BMAL2: variants seen among roughly 807,000 people sequenced by gnomAD.
BMAL2 encodes the protein basic helix-loop-helix ARNT-like protein 2.
chr12:27,397,841 G>A, the BMAL2 span, among the ~76,000 whole-genome samples: 1 of 152,178 alleles, frequency 6.6e-6, no homozygotes, highest in South Asian at 2.1e-4. Flanking sequence ...TGTGCATGAG[G>A]AAGAAGTGCA....
the BMAL2 span, chr12:27,385,337 G>T: frequency 7.2e-6 from 4 of 554,812 alleles, no homozygotes; most frequent in East Asian, 8.9e-5. Flanking sequence ...TAAATTAAAT[G>T]AAAATGAAAA....
the BMAL2 span, among the ~76,000 whole-genome samples, chr12:27,406,212 G>C: frequency 1.3e-5 from 2 of 152,132 alleles, no homozygotes; most frequent in African/African-American, 4.8e-5. Flanking sequence ...AGCAAGGCAG[G>C]CCAACATTCA....
chr12:27,415,070 G>A, the BMAL2 span, among the ~76,000 whole-genome samples: 1 of 152,294 alleles, frequency 6.6e-6, no homozygotes, highest in East Asian at 1.9e-4. Context: ...CTAGAGGCAG[G>A]GAGGGCATGG....
the BMAL2 span, among the ~76,000 whole-genome samples, chr12:27,399,539 A>T: frequency 6.6e-6 from 1 of 152,216 alleles, no homozygotes; most frequent in Non-Finnish European, 1.5e-5. Flanking sequence ...AAGCACTTTA[A>T]ACAGACTGTG....
the BMAL2 span, among the ~76,000 whole-genome samples, chr12:27,355,059 T>A: frequency 6.6e-6 from 1 of 152,230 alleles, no homozygotes; most frequent in Non-Finnish European, 1.5e-5. Context: ...CACTAGGAAG[T>A]GAGGTTGACC....
chr12:27,368,432 T>C, the BMAL2 span: 1 of 1,611,752 alleles, frequency 6.2e-7, no homozygotes, highest in Non-Finnish European at 8.5e-7. Flanking sequence ...TTTGGTCCTC[T>C]AACCCAGTGA....
chr12:27,351,412 G>T, the BMAL2 span, among the ~76,000 whole-genome samples: 1 of 151,986 alleles, frequency 6.6e-6, no homozygotes, highest in African/African-American at 2.4e-5. Context: ...TGATATCTGG[G>T]GCTTGCTGAC....
chr12:27,345,753 T>C, the BMAL2 span, among the ~76,000 whole-genome samples: 1 of 152,186 alleles, frequency 6.6e-6, no homozygotes, highest in African/African-American at 2.4e-5. Context: ...TCTGCCCATC[T>C]GGGCTTTCCA....
At chr12:27,374,365 T>C in the BMAL2 span, among the ~76,000 whole-genome samples, 1 of 152,204 alleles carries the variant, frequency 6.6e-6, no homozygotes, top group Admixed American at 6.5e-5. Flanking sequence ...TTACATAGCA[T>C]TTACATTTAT....
the BMAL2 span, chr12:27,416,034 G>A: frequency 2.1e-6 from 2 of 933,248 alleles, no homozygotes; most frequent in Non-Finnish European, 3.2e-6. Context: ...AAGAAAAGAA[G>A]CCATTCTGTC....
the BMAL2 span, among the ~76,000 whole-genome samples, chr12:27,412,696 AAC>A: frequency 5.7e-4 from 85 of 149,844 alleles, 1 homozygote; most frequent in Middle Eastern, 3.4e-3. Flanking sequence ...TTAAAAACAA[AAC>A]ACACACACAC....
At chr12:27,419,713 C>A in the BMAL2 span, among the ~76,000 whole-genome samples, 3 of 152,292 alleles carry the variant, frequency 2.0e-5, no homozygotes, top group South Asian at 6.2e-4. Flanking sequence ...CCACTTTAAA[C>A]ACACATAGAG....
chr12:27,360,748 C>A, the BMAL2 span, among the ~76,000 whole-genome samples: 1 of 116,086 alleles, frequency 8.6e-6, no homozygotes, highest in Admixed American at 1.2e-4. Context: ...ATGTGGTTTG[C>A]GGGAAATTTC....
At chr12:27,423,907 G>A in the BMAL2 span, 1 of 152,136 alleles carries the variant, frequency 6.6e-6, no homozygotes, top group South Asian at 2.1e-4. Flanking sequence ...AGCCACATGT[G>A]GCTACTGAGC....
At chr12:27,361,614 T>A in the BMAL2 span, among the ~76,000 whole-genome samples, 1 of 152,206 alleles carries the variant, frequency 6.6e-6, no homozygotes. Context: ...TCTGCAGATG[T>A]ATATGTGGAG....
chr12:27,373,536 A>T, the BMAL2 span, among the ~76,000 whole-genome samples: 3 of 152,076 alleles, frequency 2.0e-5, no homozygotes, highest in Admixed American at 2.0e-4. Context: ...GAGTGGGGAG[A>T]CTGGGGGCTG....
chr12:27,346,770 G>T, the BMAL2 span, among the ~76,000 whole-genome samples: 1 of 152,128 alleles, frequency 6.6e-6, no homozygotes, highest in Non-Finnish European at 1.5e-5. Flanking sequence ...AGATGGTTCG[G>T]ATGTTTGCCC....
At chr12:27,374,393 C>G in the BMAL2 span, among the ~76,000 whole-genome samples, 1 of 152,056 alleles carries the variant, frequency 6.6e-6, no homozygotes, top group Non-Finnish European at 1.5e-5. Context: ...TGTAAGTAAT[C>G]TAGAGATGAT....
the BMAL2 span, among the ~76,000 whole-genome samples, chr12:27,405,843 G>GA: frequency 1.6e-4 from 24 of 151,210 alleles, no homozygotes; most frequent in African/African-American, 5.3e-4. Context: ...TAAAAACCTT[G>GA]AAAAAAAAAT....
Sources: gnomAD v4.1 joint callset for allele counts (sites outside exome capture counted in the v4.1 genomes callset) on GRCh38, gnomAD v4.1.1 for gene constraint, MANE v1.5 for transcripts, NCBI Gene and HGNC (gene_info 2026-07-23, HGNC 2026-07-21) for gene names.